BICD1: variants seen among roughly 807,000 people sequenced by gnomAD.
BICD1 encodes protein bicaudal D homolog 1.
BICD1 carries 35 observed loss-of-function variants against 92.5 expected under a neutral mutation model. That is an observed-to-expected ratio of 0.38 (90% CI 0.29 to 0.50). BICD1 has a LOEUF of 0.50. Ranked by LOEUF, BICD1 falls within the 20% of genes least tolerant of loss-of-function variation. The probability of loss-of-function intolerance (pLI) is 0.93; values close to 1 mark genes in which losing one functional copy is unlikely to be tolerated. For missense variants in BICD1, 950 were observed against 1,189.8 expected (o/e 0.80, Z 2.97); for synonymous variants, 429 against 465.1 (o/e 0.92, Z 1.00).
chr12:32,189,817 G>C (rs748596967), intron 1 of BICD1, among the ~76,000 whole-genome samples: 1 of 151,470 alleles, frequency 6.6e-6, no homozygotes, highest in Non-Finnish European at 1.5e-5. Context: ...TCCTGCCTCA[G>C]CCTCCCGAGT....
At chr12:32,116,862 G>A (rs1253099108) in intron 1 of BICD1, among the ~76,000 whole-genome samples, 1 of 151,976 alleles carries the variant, frequency 6.6e-6, no homozygotes, top group Non-Finnish European at 1.5e-5. Context: ...TTGTAGGTGT[G>A]AACTACTGTG....
At chr12:32,285,678 C>G (rs562030909) in intron 2 of BICD1, among the ~76,000 whole-genome samples, 1 of 152,290 alleles carries the variant, frequency 6.6e-6, no homozygotes, top group South Asian at 2.1e-4. Context: ...TCAGGCTAAT[C>G]CCCTCTCCCC....
At chr12:32,186,282 A>C (rs765357888) in intron 1 of BICD1, among the ~76,000 whole-genome samples, 2 of 152,200 alleles carry the variant, frequency 1.3e-5, no homozygotes, top group African/African-American at 4.8e-5. Context: ...CCCCTAAAAC[A>C]TTGCTGAAAG....
At position 32,380,671 on chromosome 12, in the gene BICD1, T is replaced by G. The variant is rs1940146257; in HGVS notation, c.*3044T>G. 1 of 152,154 alleles carries G rather than the reference T, an allele frequency of 6.6e-6. No homozygotes were observed. The highest frequency in any genetic ancestry group is 1.5e-5 in the Non-Finnish European group (1 of 68,002). The allele number at this position is 152,154 out of a possible 1,614,324, so 9.4% of individuals were successfully genotyped here. A position where few individuals can be genotyped will look rare whatever the true frequency, so the allele number is the denominator to read the frequency against. On this transcript the variant is annotated 3_prime_UTR_variant, in exon 10 of 10. Coordinates refer to ENST00000652176, the MANE Select transcript of BICD1 (RefSeq NM_001714.4). ...TGGCTTAATCTTTCTGGTCCACACA[T>G]AATCCATTAGATCCCATTCATATAT...
intron 9 of BICD1, among the ~76,000 whole-genome samples, chr12:32,370,138 G>T (rs1939676432): frequency 6.6e-6 from 1 of 152,112 alleles, no homozygotes; most frequent in African/African-American, 2.4e-5. Context: ...GGAGGCCAAG[G>T]CCGGTGGATC....
intron 8 of BICD1, chr12:32,353,219 T>C (rs1332554093): frequency 6.6e-6 from 1 of 152,210 alleles, no homozygotes; most frequent in African/African-American, 2.4e-5. Flanking sequence ...AAGATTGTCA[T>C]TGGAAATTCT....
At chr12:32,349,419 C>G (rs1938772131) in intron 8 of BICD1, among the ~76,000 whole-genome samples, 1 of 152,116 alleles carries the variant, frequency 6.6e-6, no homozygotes, top group Admixed American at 6.5e-5. Context: ...AAGCCAATCT[C>G]TAGGTTAACC....
At chr12:32,321,305 G>A (rs570058355) in intron 4 of BICD1, among the ~76,000 whole-genome samples, 3 of 152,230 alleles carry the variant, frequency 2.0e-5, no homozygotes, top group Non-Finnish European at 4.4e-5. Flanking sequence ...CAGCCTGGGC[G>A]ACAGAGTGAG....
rs200843440 is a variant in BICD1, at chr12:32,107,396, A to G, written c.65A>G (p.Lys22Arg). The change falls in exon 1 of 10, where the codon AAG (lysine) becomes AGG (arginine). Residue 22 changes from lysine to arginine, a missense_variant. This residue lies in a region of BICD1 where 202 missense variants were observed against 205.3 expected (regional missense o/e 0.98). Coordinates refer to ENST00000652176, the MANE Select transcript of BICD1 (RefSeq NM_001714.4). ...AAGACTGAGATAGAGAGGCTAACCA[A>G]GGAGCTCACGGAGACCACCCACGAG... ...HYKTEIERLTKELTETTHEKI... is the reference protein window; with the variant it reads ...HYKTEIERLTRELTETTHEKI... The G allele has an allele frequency of 1.1e-5, 17 of 1,611,904 alleles. No individual in the cohort carries two copies. Among genetic ancestry groups the G allele is most frequent in the Middle Eastern group, 1.6e-4 (1 of 6,084 alleles).
chr12:32,142,436 A>AC (rs1942961942), intron 1 of BICD1, among the ~76,000 whole-genome samples: 1 of 10,716 alleles, frequency 9.3e-5, no homozygotes, highest in African/African-American at 4.3e-4. Flanking sequence ...AAAAAACAAA[A>AC]AACCCCACCT....
intron 1 of BICD1, among the ~76,000 whole-genome samples, chr12:32,139,739 T>G (rs1374796032): frequency 6.6e-6 from 1 of 152,150 alleles, no homozygotes; most frequent in Non-Finnish European, 1.5e-5. Context: ...GATTTTTGTA[T>G]TTTTAGTAAA....
intron 1 of BICD1, among the ~76,000 whole-genome samples, chr12:32,168,138 A>G (rs1943828065): frequency 6.6e-6 from 1 of 151,966 alleles, no homozygotes; most frequent in African/African-American, 2.4e-5. Context: ...TTAAATTTCT[A>G]TTTTTCAATC....
intron 1 of BICD1, among the ~76,000 whole-genome samples, chr12:32,173,146 C>G (rs2121516773): frequency 6.6e-6 from 1 of 152,194 alleles, no homozygotes; most frequent in South Asian, 2.1e-4. Flanking sequence ...CTCCAGGGTT[C>G]AAGCAATTCT....
intron 2 of BICD1, among the ~76,000 whole-genome samples, chr12:32,226,145 T>C (rs923540471): frequency 3.3e-5 from 5 of 152,234 alleles, no homozygotes; most frequent in Non-Finnish European, 7.3e-5. Context: ...GTTTTGTTTG[T>C]TTGCTTTGAG....
chr12:32,307,436 T>C (rs574685015), intron 4 of BICD1, among the ~76,000 whole-genome samples: 1 of 152,330 alleles, frequency 6.6e-6, no homozygotes, highest in Admixed American at 6.5e-5. Flanking sequence ...ACAGCAGCAT[T>C]ACCATCACCT....
At position 32,376,140 on chromosome 12, in the gene BICD1, G is replaced by A. The variant is rs1046884525; in HGVS notation, c.2841-1400G>A. 2.7e-5 allele frequency among the ~76,000 whole-genome samples: 4 copies of A among 147,378 alleles called. No individual in the cohort carries two copies. In the Admixed American group the frequency reaches 2.8e-4, roughly 10 times the overall value. On this transcript the variant is annotated intron_variant, in intron 9 of 9. Coordinates refer to ENST00000652176, the MANE Select transcript of BICD1 (RefSeq NM_001714.4). ...CGCCCTGTTGCCAAACTGGAGTACA[G>A]TGGCGCCATCTTGGCTCGCTGCAAC...
chr12:32,138,320 A>G (rs1942800035), intron 1 of BICD1, among the ~76,000 whole-genome samples: 1 of 152,192 alleles, frequency 6.6e-6, no homozygotes, highest in Non-Finnish European at 1.5e-5. Context: ...GTGACTTCAA[A>G]GCTTGTATTG....
At chr12:32,284,599 G>A (rs148800779) in intron 2 of BICD1, among the ~76,000 whole-genome samples, 405 of 152,218 alleles carry the variant, frequency 2.7e-3, no homozygotes, top group Admixed American at 4.3e-3. Context: ...GACCTTTCTT[G>A]CTAAAGTCCA....
At chr12:32,235,644 C>T (rs182421439) in intron 2 of BICD1, among the ~76,000 whole-genome samples, 2 of 151,728 alleles carry the variant, frequency 1.3e-5, no homozygotes, top group East Asian at 3.9e-4. Context: ...AGCATATGCT[C>T]CTTTTATGAC....
Sources: gnomAD v4.1 joint callset for allele counts (sites outside exome capture counted in the v4.1 genomes callset) on GRCh38, gnomAD v4.1.1 for gene constraint, gnomAD v4.1.1 regional missense constraint, MANE v1.5 for transcripts, NCBI Gene and HGNC (gene_info 2026-07-23, HGNC 2026-07-21) for gene names.